Variants in CLIP2 observed in about 807,000 individuals in gnomAD.
CLIP2 encodes the protein CAP-Gly domain-containing linker protein 2.
CLIP2 carries 41 observed loss-of-function variants against 111.7 expected under a neutral mutation model. The observed-to-expected ratio is 0.37, with a 90% CI of 0.29 to 0.48. CLIP2 has a LOEUF of 0.48. Ranked by LOEUF, CLIP2 falls within the 20% of genes least tolerant of loss-of-function variation. CLIP2 has a pLI of 0.99. For missense variants in CLIP2, 1,160 were observed against 1,422.1 expected (o/e 0.82, Z 2.96); for synonymous variants, 660 against 644.2 (o/e 1.02, Z -0.37).
intron 2 of CLIP2, among the ~76,000 whole-genome samples, chr7:74,329,085 T>TC (rs1223201907): frequency 8.0e-6 from 1 of 124,704 alleles, no homozygotes; most frequent in Non-Finnish European, 1.7e-5. Flanking sequence ...TTTTTTTTTT[T>TC]GGTTTTTTTT....
intron 11 of CLIP2, among the ~76,000 whole-genome samples, chr7:74,384,635 AG>A (rs374574608): frequency 1.7e-4 from 25 of 151,176 alleles, no homozygotes; most frequent in African/African-American, 6.1e-4. Flanking sequence ...TAGTAGAGAC[AG>A]GGTTTCGCAA....
chr7:74,302,434 C>T (rs923982647), intron 1 of CLIP2, among the ~76,000 whole-genome samples: 2 of 152,058 alleles, frequency 1.3e-5, no homozygotes, highest in Admixed American at 6.6e-5. Flanking sequence ...AGGCTGGTCT[C>T]GAACTCCTGA....
Position 74,386,622 on chromosome 7 carries a change from A to C in CLIP2, c.2563+18A>C, listed in dbSNP as rs781896556. ...AGTAAGTGGTAAGTCTCCCTCCCGCAGGGCAGATGCGGGGGGCTTTCACTG... is the reference window on the plus strand; with the variant it reads ...AGTAAGTGGTAAGTCTCCCTCCCGCCGGGCAGATGCGGGGGGCTTTCACTG... On this transcript the variant is annotated intron_variant, in intron 12 of 16. Coordinates refer to ENST00000223398, the MANE Select transcript of CLIP2 (RefSeq NM_003388.5). 6.3e-7 allele frequency: 1 copy of C among 1,583,116 alleles called. No homozygotes were observed. Among genetic ancestry groups the C allele is most frequent in the Admixed American group, 1.8e-5 (1 of 54,206 alleles).
chr7:74,340,848 T>TG (rs1487954191), intron 3 of CLIP2, among the ~76,000 whole-genome samples: 1 of 151,932 alleles, frequency 6.6e-6, no homozygotes, highest in African/African-American at 2.4e-5. Flanking sequence ...CAAGGCTTCC[T>TG]GGGGGAAGGT....
At chr7:74,325,761 G>A (rs1584327312) in intron 2 of CLIP2, among the ~76,000 whole-genome samples, 1 of 151,988 alleles carries the variant, frequency 6.6e-6, no homozygotes, top group African/African-American at 2.4e-5. Flanking sequence ...GAACCCGGGA[G>A]GTTGAGGTTG....
chr7:74,297,178 A>C (rs1192818244), intron 1 of CLIP2, among the ~76,000 whole-genome samples: 1 of 152,116 alleles, frequency 6.6e-6, no homozygotes, highest in Non-Finnish European at 1.5e-5. Flanking sequence ...CTGTCCCAAC[A>C]AGAGCAGGGA....
chr7:74,380,741 G>T (rs891261376), intron 10 of CLIP2, 65 bp from the exon 11 acceptor site: 84 of 1,401,496 alleles, frequency 6.0e-5, no homozygotes, highest in Non-Finnish European at 8.2e-5. Flanking sequence ...GTGCTTGCTG[G>T]GCTGGCTGGG....
chr7:74,386,707 C>A, intron 12 of CLIP2, 103 bp downstream of exon 12: 1 of 809,232 alleles, frequency 1.2e-6, no homozygotes, highest in Non-Finnish European at 1.9e-6. Context: ...GCTTAGGGTC[C>A]CCTCCCCGAC....
In CLIP2 at chr7:74,376,316, C is replaced by T; in HGVS notation, c.1915C>T (p.Pro639Ser). 1 of 1,613,878 alleles carries T rather than the reference C, an allele frequency of 6.2e-7. No individual in the cohort carries two copies. The highest frequency in any genetic ancestry group is 8.5e-7 in the Non-Finnish European group (1 of 1,179,990). Residue 639 changes from proline to serine, a missense_variant, in exon 10 of 17, where the codon CCA (proline) becomes TCA (serine). Pro to Ser is a moderately conservative substitution (Grantham distance 74, BLOSUM62 -1). Around this residue, in one of 5 missense-constraint regions of CLIP2, gnomAD observed 676 missense variants for 777.8 expected, o/e 0.87. Transcript: ENST00000223398. The surrounding 1 kb of genome is among the most constrained non-coding windows in gnomAD (Gnocchi z 7.1). ...EDLKATLNSG[P>S]GAQQKEIGEL... ...CCTCAAAGCCACCCTGAACTCGGGCCCAGGCGCCCAGCAGAAGGAGATCGG... is the reference window on the plus strand; with the variant it reads ...CCTCAAAGCCACCCTGAACTCGGGCTCAGGCGCCCAGCAGAAGGAGATCGG...
At position 74,376,704 on chromosome 7, in the gene CLIP2, G is replaced by T. The variant is rs138751835; in HGVS notation, c.2303G>T (p.Arg768Leu). 6.2e-7 allele frequency: 1 copy of T among 1,613,102 alleles called. No individual in the cohort carries two copies. The highest frequency in any genetic ancestry group is 2.2e-5 in the East Asian group (1 of 44,864). Residue 768 changes from arginine (R) to leucine (L), a missense_variant, in exon 10 of 17, where the codon CGG becomes CTG. Physicochemically the swap from Arg to Leu is moderately radical, Grantham distance 102. Coordinates refer to ENST00000223398, the MANE Select transcript of CLIP2 (RefSeq NM_003388.5). This position sits in a 1 kb window ranked among gnomAD's most constrained non-coding sequence, Gnocchi z 7.1. ...LAEKKMLDYE[R>L]LQRAEAQGKQ... ...GAGAAGAAGATGTTGGACTACGAGC[G>T]GCTGCAGCGGGCAGAAGCCCAGGGC...
intron 2 of CLIP2, among the ~76,000 whole-genome samples, chr7:74,318,308 C>T (rs782402412): frequency 2.0e-5 from 3 of 151,982 alleles, no homozygotes; most frequent in South Asian, 2.1e-4. Context: ...TGGAGGTGTG[C>T]GGGGAGTTTC....
chr7:74,338,375 T>C lies in CLIP2; in HGVS notation c.122-73T>C. On this transcript the variant is annotated intron_variant, in intron 2 of 16. Transcript: ENST00000223398. This position sits in a 1 kb window ranked among gnomAD's most constrained non-coding sequence, Gnocchi z 4.3. Reference sequence around the variant, plus strand: ...AATCAGCCACCTCCCAACCCTAGACTCTGTGCTCCTGGGGCCACCCAGGGG... The same window carrying C: ...AATCAGCCACCTCCCAACCCTAGACCCTGTGCTCCTGGGGCCACCCAGGGG... The C allele has an allele frequency of 6.6e-7, 1 of 1,510,450 alleles. No homozygotes were observed. Among genetic ancestry groups the C allele is most frequent in the Non-Finnish European group, 8.9e-7 (1 of 1,118,564 alleles). The allele number at this position is 1,510,450 out of a possible 1,614,324, so 93.6% of individuals were successfully genotyped here. A position where few individuals can be genotyped will look rare whatever the true frequency, so the allele number is the denominator to read the frequency against.
At chr7:74,331,794 T>A (rs1789289916) in intron 2 of CLIP2, among the ~76,000 whole-genome samples, 1 of 151,838 alleles carries the variant, frequency 6.6e-6, no homozygotes. Flanking sequence ...AGACTGGTCT[T>A]GAACTCCTGA....
intron 3 of CLIP2, among the ~76,000 whole-genome samples, chr7:74,347,564 G>A (rs546070557): frequency 1.4e-4 from 21 of 152,232 alleles, no homozygotes; most frequent in South Asian, 2.1e-4. Flanking sequence ...CACCGCGTCC[G>A]GCCAAACGCG....
intron 1 of CLIP2, among the ~76,000 whole-genome samples, chr7:74,300,154 T>A (rs1788288134): frequency 6.6e-6 from 1 of 151,202 alleles, no homozygotes; most frequent in Admixed American, 6.6e-5. Flanking sequence ...ACCTGGCTAA[T>A]TTTTGTATTT....
chr7:74,300,947 A>G (rs1324409677), intron 1 of CLIP2, among the ~76,000 whole-genome samples: 1 of 152,208 alleles, frequency 6.6e-6, no homozygotes, highest in Non-Finnish European at 1.5e-5. Context: ...GTAGATGGCA[A>G]TTAGTAGGAT....
intron 3 of CLIP2, among the ~76,000 whole-genome samples, chr7:74,349,429 CAA>C (rs1178028833): frequency 8.4e-4 from 14 of 16,582 alleles, no homozygotes; most frequent in Admixed American, 3.9e-3. Context: ...GACTCTGTCT[CAA>C]AAAAAAAAAA....
chr7:74,381,825 C>G (rs1790953614), intron 11 of CLIP2, among the ~76,000 whole-genome samples: 1 of 152,134 alleles, frequency 6.6e-6, no homozygotes, highest in Non-Finnish European at 1.5e-5. Context: ...CAGATTGTTT[C>G]CAGTCTTGGT....
intron 13 of CLIP2, among the ~76,000 whole-genome samples, chr7:74,390,749 G>C (rs1165425702): frequency 2.2e-4 from 10 of 45,442 alleles, no homozygotes; most frequent in African/African-American, 4.7e-4. Context: ...CTGGCGGGGT[G>C]GGGGGGGTGG....
Sources: allele counts gnomAD v4.1 joint callset (sites outside exome capture counted in the v4.1 genomes callset), GRCh38; gene constraint gnomAD v4.1.1; regional missense constraint gnomAD v4.1.1; non-coding constraint Gnocchi (gnomAD v3.1); transcripts MANE v1.5; gene names NCBI Gene and HGNC (gene_info 2026-07-23, HGNC 2026-07-21).